The following CACNB2 variants were observed in gnomAD, a reference collection of about 807,000 sequenced individuals.
The protein encoded by CACNB2 is calcium voltage-gated channel auxiliary subunit beta 2.
CACNB2 carries 42 observed loss-of-function variants against 73.3 expected under a neutral mutation model. That is an observed-to-expected ratio of 0.57 (90% CI 0.45 to 0.74). The LOEUF (loss-of-function observed/expected upper bound fraction) is 0.74, where lower values mean the gene tolerates loss of function less well. Ranked by LOEUF, CACNB2 falls within the 30% of genes least tolerant of loss-of-function variation. CACNB2 has a pLI of 0.00. For synonymous variants in CACNB2, 348 were observed against 310.3 expected (o/e 1.12, Z -1.28); for missense variants, 940 against 853.0 (o/e 1.10, Z -1.27).
intron 2 of CACNB2, among the ~76,000 whole-genome samples, chr10:18,297,474 C>T (rs182090703): frequency 5.3e-5 from 8 of 152,276 alleles, no homozygotes; most frequent in Admixed American, 6.5e-5. Context: ...AGAAGGATTG[C>T]TTGAGCCCAG....
chr10:18,390,747 A>G (rs2043431586), intron 2 of CACNB2, among the ~76,000 whole-genome samples: 1 of 152,336 alleles, frequency 6.6e-6, no homozygotes, highest in African/African-American at 2.4e-5. Context: ...GGGGTAGTGC[A>G]TAAGAAGTAA....
At chr10:18,290,112 CTTTTT>C (rs992393946) in intron 2 of CACNB2, among the ~76,000 whole-genome samples, 50 of 50,128 alleles carry the variant, frequency 1.0e-3, no homozygotes, top group African/African-American at 2.4e-3. Flanking sequence ...TTTTCTTTTT[CTTTTT>C]TTTTTTTTTT....
rs1282297005 is a variant in CACNB2 at position 18,442,970 on chromosome 10, GTGTA to G, written c.333+40929_333+40932del. Among the ~76,000 whole-genome samples, 24 of 21,356 alleles carry G rather than the reference GTGTA, an allele frequency of 1.1e-3. 5 individuals are homozygous for G. The South Asian group carries it at 0.021, about 18-fold the overall frequency. The allele number at this position is 21,356 out of a possible 152,430, so 14.0% of individuals were successfully genotyped here. On this transcript the variant is annotated intron_variant, in intron 3 of 13. Transcript: ENST00000324631. ...TATATATATATATGTATATATATAT[GTGTA>G]TATATATATATGTATATATATATGT...
At chr10:18,528,479 T>G (rs1289560360) in intron 10 of CACNB2, among the ~76,000 whole-genome samples, 1 of 152,194 alleles carries the variant, frequency 6.6e-6, no homozygotes, top group Non-Finnish European at 1.5e-5. Context: ...CTGAGAGTTG[T>G]GTCAGATCTT....
chr10:18,324,591 G>A (rs2040511585), intron 2 of CACNB2, among the ~76,000 whole-genome samples: 1 of 152,232 alleles, frequency 6.6e-6, no homozygotes, highest in Admixed American at 6.5e-5. Context: ...AGTGGCTCAC[G>A]CCTGTAATCC....
At chr10:18,178,637 G>C (rs2033722730) in intron 2 of CACNB2, among the ~76,000 whole-genome samples, 2 of 152,178 alleles carry the variant, frequency 1.3e-5, no homozygotes, top group African/African-American at 4.8e-5. Context: ...ATGGGTGATA[G>C]AAACATCTTT....
At chr10:18,409,149 A>T (rs983184650) in intron 3 of CACNB2, among the ~76,000 whole-genome samples, 11 of 152,254 alleles carry the variant, frequency 7.2e-5, no homozygotes, top group African/African-American at 2.6e-4. Context: ...ATACAAAAAA[A>T]ATAGCTGGGT....
rs1056041634 is a variant in CACNB2, at chr10:18,381,868, C to T, written c.214-20056C>T. Among the ~76,000 whole-genome samples, 13 of 151,868 alleles carry T rather than the reference C, an allele frequency of 8.6e-5. 1 individual carries two copies. The highest frequency in any genetic ancestry group is 3.2e-4 in the African/African-American group (13 of 41,226). On this transcript the variant is annotated intron_variant, in intron 2 of 13. Coordinates refer to ENST00000324631, the MANE Select transcript of CACNB2 (RefSeq NM_201596.3). ...CAATACACATTCATGATGTGGCTCA[C>T]CCAGAGCACCAAAACCCTGCTGGCC...
At chr10:18,388,046 T>A (rs1011418476) in intron 2 of CACNB2, among the ~76,000 whole-genome samples, 1 of 152,172 alleles carries the variant, frequency 6.6e-6, no homozygotes, top group African/African-American at 2.4e-5. Context: ...AGTGAGCCAC[T>A]GCACCTGGCC....
At chr10:18,317,111 C>G (rs936787725) in intron 2 of CACNB2, among the ~76,000 whole-genome samples, 2 of 152,070 alleles carry the variant, frequency 1.3e-5, no homozygotes, top group Non-Finnish European at 2.9e-5. Context: ...ACACCACCCC[C>G]TGCCCCCCAC....
At chr10:18,455,878 G>A (rs2047253962) in intron 3 of CACNB2, among the ~76,000 whole-genome samples, 1 of 152,160 alleles carries the variant, frequency 6.6e-6, no homozygotes, top group South Asian at 2.1e-4. Context: ...TCACTGGTTG[G>A]CAGTGAAATG....
chr10:18,456,455 C>G (rs1283245391), intron 3 of CACNB2, among the ~76,000 whole-genome samples: 1 of 152,130 alleles, frequency 6.6e-6, no homozygotes, highest in Non-Finnish European at 1.5e-5. Context: ...CAGAGCAAGA[C>G]TCCATCTCAA....
At chr10:18,496,814 C>CAAAAAAAAAAA (rs905870687) in intron 3 of CACNB2, among the ~76,000 whole-genome samples, 1 of 45,192 alleles carries the variant, frequency 2.2e-5, no homozygotes, top group Non-Finnish European at 4.7e-5. Context: ...AACTCCGCCT[C>CAAAAAAAAAAA]AAAAAAAAAA....
intron 2 of CACNB2, among the ~76,000 whole-genome samples, chr10:18,244,007 A>G (rs1322485004): frequency 6.6e-6 from 1 of 152,200 alleles, no homozygotes; most frequent in Non-Finnish European, 1.5e-5. Context: ...TCCATCGTGC[A>G]ACTGAGCTAC....
intron 12 of CACNB2, among the ~76,000 whole-genome samples, chr10:18,537,664 C>T (rs1458135400): frequency 6.6e-6 from 1 of 152,006 alleles, no homozygotes; most frequent in South Asian, 2.1e-4. Context: ...GTAACCCCAG[C>T]TACTTGAGAA....
At chr10:18,358,293 G>A (rs1386050055) in intron 2 of CACNB2, among the ~76,000 whole-genome samples, 1 of 152,050 alleles carries the variant, frequency 6.6e-6, no homozygotes, top group Admixed American at 6.6e-5. Flanking sequence ...TCACCATGTT[G>A]GCCAGGCTGT....
chr10:18,169,386 T>C (rs2033081631), intron 2 of CACNB2, among the ~76,000 whole-genome samples: 1 of 152,162 alleles, frequency 6.6e-6, no homozygotes, highest in Admixed American at 6.5e-5. Context: ...AATAGGTTTC[T>C]TCTGATTACA....
chr10:18,415,516 G>A (rs1016062130), intron 3 of CACNB2, among the ~76,000 whole-genome samples: 2 of 151,770 alleles, frequency 1.3e-5, no homozygotes, highest in African/African-American at 4.8e-5. Flanking sequence ...TGAGCCAAAT[G>A]GCAAATGGGT....
chr10:18,344,841 G>T (rs1336334676), intron 2 of CACNB2, among the ~76,000 whole-genome samples: 1 of 152,298 alleles, frequency 6.6e-6, no homozygotes, highest in East Asian at 1.9e-4. Flanking sequence ...TACCCCACAA[G>T]CTCACCATGC....
Sources: gnomAD v4.1 joint callset for allele counts (sites outside exome capture counted in the v4.1 genomes callset) on GRCh38, gnomAD v4.1.1 for gene constraint, MANE v1.5 for transcripts, NCBI Gene and HGNC (gene_info 2026-07-23, HGNC 2026-07-21) for gene names.